Variants in NDST4 observed in about 807,000 individuals in gnomAD.
NDST4 encodes the protein N-deacetylase and N-sulfotransferase 4.
Under a neutral mutation model 100.8 loss-of-function variants are expected in NDST4, and 63 were observed. The ratio of observed to expected loss-of-function variants is 0.62; its 90% CI spans 0.51 to 0.77. The LOEUF is 0.77. NDST4 is among the 30% of genes least tolerant of loss of function. The pLI is 0.00. For synonymous variants in NDST4, 377 were observed against 361.8 expected (o/e 1.04, Z -0.48); for missense variants, 943 against 1,018.4 (o/e 0.93, Z 1.01).
chr4:114,909,637 G>A (rs976470181), intron 6 of NDST4, among the ~76,000 whole-genome samples: 5 of 144,574 alleles, frequency 3.5e-5, no homozygotes, highest in African/African-American at 1.1e-4. Context: ...TCTGCAGTCC[G>A]GCCTGCTGGG....
chr4:115,025,963 T>C (rs1727974967), intron 2 of NDST4, among the ~76,000 whole-genome samples: 1 of 152,148 alleles, frequency 6.6e-6, no homozygotes, highest in African/African-American at 2.4e-5. Flanking sequence ...CAACTAATAC[T>C]TGTATAGCCG....
intron 2 of NDST4, among the ~76,000 whole-genome samples, chr4:115,014,827 G>A (rs1391088612): frequency 1.3e-5 from 2 of 151,972 alleles, no homozygotes; most frequent in African/African-American, 4.8e-5. Context: ...GACCTTATTA[G>A]GTCTGAACAC....
intron 2 of NDST4, among the ~76,000 whole-genome samples, chr4:115,069,729 C>A (rs1174010876): frequency 6.6e-6 from 1 of 151,988 alleles, no homozygotes; most frequent in African/African-American, 2.4e-5. Flanking sequence ...AACCCCATCT[C>A]TACTAAAGCT....
chr4:115,010,625 A>T (rs1205247101), intron 2 of NDST4, among the ~76,000 whole-genome samples: 1 of 132,678 alleles, frequency 7.5e-6, no homozygotes, highest in African/African-American at 2.8e-5. Flanking sequence ...AGCATGGCAC[A>T]TGTATACATA....
intron 6 of NDST4, among the ~76,000 whole-genome samples, chr4:114,874,930 C>T (rs1724226738): frequency 6.6e-6 from 1 of 152,040 alleles, no homozygotes; most frequent in African/African-American, 2.4e-5. Flanking sequence ...CCAAAAGTAT[C>T]ATCTGGGGAA....
At chr4:114,831,347 C>T (rs113812482) in intron 12 of NDST4, among the ~76,000 whole-genome samples, 15,143 of 152,064 alleles carry the variant, frequency 0.1, 1,222 homozygotes, top group African/African-American at 0.21. Flanking sequence ...CCACCGCGCC[C>T]GGCCTCCAAC....
intron 2 of NDST4, among the ~76,000 whole-genome samples, chr4:115,051,733 T>C (rs2061442115): frequency 6.6e-6 from 1 of 152,074 alleles, no homozygotes; most frequent in African/African-American, 2.4e-5. Context: ...GGAGTGTAGA[T>C]ATCTTTTCAA....
chr4:115,050,542 A>G (rs1021517941), intron 2 of NDST4, among the ~76,000 whole-genome samples: 1 of 152,164 alleles, frequency 6.6e-6, no homozygotes, highest in African/African-American at 2.4e-5. Flanking sequence ...TAAAACTTCT[A>G]GCTATGCTCC....
At position 114,963,808 on chromosome 4, in the gene NDST4, C is replaced by T. The variant is rs146488705; in HGVS notation, c.1221+6622G>A. 4.3e-3 allele frequency among the ~76,000 whole-genome samples: 652 copies of T among 152,180 alleles called. 4 individuals are homozygous for T. Among genetic ancestry groups the T allele is most frequent in the African/African-American group, 0.015 (611 of 41,520 alleles). On this transcript the variant is annotated intron_variant, in intron 4 of 13. Coordinates refer to ENST00000264363, the MANE Select transcript of NDST4 (RefSeq NM_022569.3). ...GAAAAATATTAGGTTTTAGTTAATA[C>T]GCAAATATTTTGAAATTAATGCAAT...
intron 3 of NDST4, among the ~76,000 whole-genome samples, chr4:114,972,959 G>A (rs574678185): frequency 1.1e-4 from 17 of 152,046 alleles, no homozygotes; most frequent in Non-Finnish European, 1.0e-4. Flanking sequence ...TGAGAGTAAC[G>A]TTTAAGACTT....
chr4:114,840,034 T>C (rs1237773989), intron 10 of NDST4, among the ~76,000 whole-genome samples: 1 of 152,198 alleles, frequency 6.6e-6, no homozygotes, highest in Non-Finnish European at 1.5e-5. Flanking sequence ...ACTGTTCCAT[T>C]ACTGCCACTC....
intron 7 of NDST4, 119 bp from the exon 8 acceptor site, chr4:114,852,940 CCTCA>C: frequency 1.7e-6 from 1 of 591,118 alleles, no homozygotes; most frequent in Non-Finnish European, 2.9e-6. Context: ...TGGAGTTAGA[CCTCA>C]CTCTCGTTCT....
At chr4:114,979,990 C>G (rs893732542) in intron 2 of NDST4, among the ~76,000 whole-genome samples, 2 of 151,588 alleles carry the variant, frequency 1.3e-5, no homozygotes, top group Admixed American at 6.6e-5. Flanking sequence ...TGAATATACA[C>G]AAAATGATTC....
chr4:115,059,623 T>C (rs540308715), intron 2 of NDST4, among the ~76,000 whole-genome samples: 2 of 152,190 alleles, frequency 1.3e-5, no homozygotes, highest in South Asian at 4.1e-4. Context: ...CATTTTTTCA[T>C]ACAGACCATC....
At chr4:115,031,221 C>T (rs1728108571) in intron 2 of NDST4, among the ~76,000 whole-genome samples, 1 of 152,034 alleles carries the variant, frequency 6.6e-6, no homozygotes, top group South Asian at 2.1e-4. Context: ...ATTTGTTATT[C>T]CTCTACCTGT....
chr4:115,104,503 A>G (rs1729798490), intron 1 of NDST4, among the ~76,000 whole-genome samples: 1 of 152,078 alleles, frequency 6.6e-6, no homozygotes, highest in Non-Finnish European at 1.5e-5. Context: ...TAGTTTCTGA[A>G]TCTTTGTCTT....
intron 6 of NDST4, among the ~76,000 whole-genome samples, chr4:114,905,941 C>A (rs1724940196): frequency 6.6e-6 from 1 of 151,878 alleles, no homozygotes; most frequent in South Asian, 2.1e-4. Flanking sequence ...ATTACTATTT[C>A]TTCCATCAGC....
At chr4:114,843,425 A>C (rs920051236) in intron 10 of NDST4, among the ~76,000 whole-genome samples, 2 of 152,194 alleles carry the variant, frequency 1.3e-5, no homozygotes, top group African/African-American at 4.8e-5. Flanking sequence ...ACACTACTAC[A>C]GATCATGTTT....
rs1223717888 is a variant in NDST4 at position 115,041,859 on chromosome 4, ACCGAGGTGGTACTTTTCTT to A, written c.978+34181_978+34199del. ...TTATGAAGGTAATTCGAAAAATAAA[ACCGAGGTGGTACTTTTCTT>A]CCTTATGAAGAAATGACTTCTTGTG... On this transcript the variant is annotated intron_variant, in intron 2 of 13. Transcript: ENST00000264363. Among the ~76,000 whole-genome samples the A allele has an allele frequency of 3.3e-5, 5 of 152,034 alleles. No homozygotes were observed. In the East Asian group the frequency reaches 9.6e-4, roughly 29 times the overall value.
Sources: allele counts gnomAD v4.1 joint callset (sites outside exome capture counted in the v4.1 genomes callset), GRCh38; gene constraint gnomAD v4.1.1; transcripts MANE v1.5; gene names NCBI Gene and HGNC (gene_info 2026-07-23, HGNC 2026-07-21).